The following DDX21 variants were observed in gnomAD, a reference collection of about 807,000 sequenced individuals.
DDX21 encodes nucleolar RNA helicase 2.
In DDX21, 18 loss-of-function variants were observed where a neutral mutation model predicts 90.0. That is an observed-to-expected ratio of 0.20 (90% CI 0.14 to 0.30). The LOEUF (loss-of-function observed/expected upper bound fraction) is 0.30. Ranked by LOEUF, DDX21 falls within the 10% of genes least tolerant of loss-of-function variation. The pLI is 1.00. For missense variants in DDX21, 673 were observed against 944.5 expected, an observed-to-expected ratio of 0.71 and a Z score of 3.77; for synonymous variants, 294 against 318.0, an observed-to-expected ratio of 0.92 and a Z score of 0.80.
chr10:68,961,552 T>C (rs1006185724), intron 2 of DDX21, among the ~76,000 whole-genome samples: 6 of 152,244 alleles, frequency 3.9e-5, no homozygotes, highest in Non-Finnish European at 8.8e-5. Flanking sequence ...CTAAGCATTT[T>C]CCTCGTTAAG....
intron 13 of DDX21, 139 bp from the exon 14 acceptor site, chr10:68,981,398 A>G: frequency 1.3e-6 from 1 of 746,010 alleles, no homozygotes; most frequent in Non-Finnish European, 2.3e-6. Context: ...TTTGGTCTAA[A>G]GTTCATCTAA....
intron 10 of DDX21, 27 bp from the exon 11 acceptor site, chr10:68,974,643 A>T: frequency 6.2e-7 from 1 of 1,605,666 alleles, no homozygotes; most frequent in Non-Finnish European, 8.5e-7. Flanking sequence ...GCCACTGTAC[A>T]TTAAACTGTG....
At chr10:68,977,449 C>A in intron 11 of DDX21, 80 bp from the exon 12 acceptor site, 2 of 1,317,898 alleles carry the variant, frequency 1.5e-6, no homozygotes, top group Non-Finnish European at 2.1e-6. Flanking sequence ...TGGAAAGTTA[C>A]TCATTTATCT....
At chr10:68,965,340 A>G in intron 4 of DDX21, 37 bp from the exon 5 acceptor site, 1 of 1,525,960 alleles carries the variant, frequency 6.6e-7, no homozygotes, top group Non-Finnish European at 9.1e-7. Flanking sequence ...AACAAATACT[A>G]CACAGTAATT....
intron 2 of DDX21, among the ~76,000 whole-genome samples, chr10:68,961,377 G>T (rs1310034331): frequency 6.6e-6 from 1 of 152,124 alleles, no homozygotes; most frequent in African/African-American, 2.4e-5. Context: ...ATGCTTCCTG[G>T]AATTTCACCA....
intron 1 of DDX21, 33 bp downstream of exon 1, chr10:68,956,345 G>C: frequency 6.2e-7 from 1 of 1,612,908 alleles, no homozygotes; most frequent in Non-Finnish European, 8.5e-7. Context: ...CAGGAGGGAC[G>C]CTGAATGGAG....
chr10:68,983,233 A>C lies in DDX21; in HGVS notation c.*421A>C, dbSNP rs1843220590. On this transcript the variant is annotated 3_prime_UTR_variant, in exon 15 of 15. Coordinates refer to ENST00000354185, the MANE Select transcript of DDX21 (RefSeq NM_004728.4). The stretch of plus-strand genomic sequence containing the variant: ...GGACCACTTTGAGCCTTTGGAAGTT[A>C]AGGTTTCCTCAGCCACCTGCCGAAC... The C allele has an allele frequency of 5.6e-6, 1 of 179,624 alleles. No individual in the cohort carries two copies. Among genetic ancestry groups the C allele is most frequent in the Admixed American group, 5.4e-5 (1 of 18,630 alleles). The allele number at this position is 179,624 out of a possible 1,614,324, so 11.1% of individuals were successfully genotyped here.
intron 5 of DDX21, among the ~76,000 whole-genome samples, chr10:68,966,794 T>C (rs756439746): frequency 6.6e-6 from 1 of 152,206 alleles, no homozygotes; most frequent in Non-Finnish European, 1.5e-5. Context: ...AAATATTTAC[T>C]ATAATTGGGT....
intron 14 of DDX21, 121 bp from the exon 15 acceptor site, chr10:68,982,422 T>C: frequency 7.3e-7 from 1 of 1,360,808 alleles, no homozygotes; most frequent in South Asian, 1.6e-5. Context: ...GACCAGTGAC[T>C]TGTTAAGCAC....
At chr10:68,970,888 A>G (rs1040544970) in intron 8 of DDX21, among the ~76,000 whole-genome samples, 3 of 150,620 alleles carry the variant, frequency 2.0e-5, no homozygotes, top group Non-Finnish European at 4.4e-5. Context: ...CCTGACCTCA[A>G]GTGATCCACC....
chr10:68,971,222 A>C (rs1271958178), intron 8 of DDX21, among the ~76,000 whole-genome samples: 2 of 151,900 alleles, frequency 1.3e-5, no homozygotes, highest in Admixed American at 1.3e-4. Flanking sequence ...CTAATTGGGA[A>C]GACTTTTTTT....
chr10:68,967,353 G>A, intron 6 of DDX21, 150 bp downstream of exon 6: 1 of 733,304 alleles, frequency 1.4e-6, no homozygotes, highest in Non-Finnish European at 2.1e-6. Flanking sequence ...ATTTTTAGTA[G>A]AGATGGGGTT....
chr10:68,977,451 C>CA (rs1843117802), intron 11 of DDX21, 78 bp from the exon 12 acceptor site: 1 of 1,345,984 alleles, frequency 7.4e-7, no homozygotes, highest in East Asian at 2.4e-5. Context: ...GAAAGTTACT[C>CA]ATTTATCTTG....
At chr10:68,959,188 C>T (rs1455685847) in intron 1 of DDX21, among the ~76,000 whole-genome samples, 2 of 152,040 alleles carry the variant, frequency 1.3e-5, no homozygotes, top group Non-Finnish European at 2.9e-5. Context: ...TGAGCTTATC[C>T]AAATCCCTTA....
chr10:68,956,403 C>T (rs1465904277), intron 1 of DDX21, 91 bp downstream of exon 1: 5 of 1,568,202 alleles, frequency 3.2e-6, no homozygotes, highest in Non-Finnish European at 4.3e-6. Context: ...ATCGTGGGAG[C>T]GCGCGGCGGA....
intron 11 of DDX21, among the ~76,000 whole-genome samples, chr10:68,976,829 G>T (rs1279985030): frequency 6.6e-6 from 1 of 152,154 alleles, no homozygotes; most frequent in African/African-American, 2.4e-5. Context: ...AACTTTGAAT[G>T]GGACATTTAT....
At chr10:68,956,808 C>A in intron 1 of DDX21, 1 of 962,376 alleles carries the variant, frequency 1.0e-6, no homozygotes, top group Non-Finnish European at 1.2e-6. Context: ...TTTGGGAGGC[C>A]GAGGCGGGCG....
intron 12 of DDX21, 99 bp downstream of exon 12, chr10:68,977,787 A>C: frequency 1.3e-4 from 172 of 1,279,784 alleles, no homozygotes; most frequent in Non-Finnish European, 1.7e-4. Flanking sequence ...TCATTTTCTC[A>C]TGAAGTTAGT....
At chr10:68,973,393 A>T in intron 9 of DDX21, 152 bp from the exon 10 acceptor site, 1 of 881,342 alleles carries the variant, frequency 1.1e-6, no homozygotes, top group Non-Finnish European at 1.7e-6. Flanking sequence ...AAAAATTGCC[A>T]GAGGTCTTTA....
Sources: allele counts gnomAD v4.1 joint callset (sites outside exome capture counted in the v4.1 genomes callset), GRCh38; gene constraint gnomAD v4.1.1; transcripts MANE v1.5; gene names NCBI Gene and HGNC (gene_info 2026-07-23, HGNC 2026-07-21).